ECE1: variants seen among roughly 807,000 people sequenced by gnomAD.
ECE1 encodes endothelin converting enzyme 1, also known as endothelin-converting enzyme 1.
In ECE1, 35 loss-of-function variants were observed where a neutral mutation model predicts 98.6. The ratio of observed to expected loss-of-function variants is 0.35; its 90% CI spans 0.27 to 0.47. ECE1 has a LOEUF of 0.47. Ranked by LOEUF, ECE1 falls within the 20% of genes least tolerant of loss-of-function variation. ECE1 has a pLI of 1.00. For synonymous variants in ECE1, 394 were observed against 407.1 expected, an observed-to-expected ratio of 0.97 and a Z score of 0.39; for missense variants, 814 against 1,025.3, an observed-to-expected ratio of 0.79 and a Z score of 2.81.
At chr1:21,313,427 T>G (rs1342604136) in intron 1 of ECE1, among the ~76,000 whole-genome samples, 1 of 151,842 alleles carries the variant, frequency 6.6e-6, no homozygotes, top group Non-Finnish European at 1.5e-5. Context: ...CAGCTGACAG[T>G]GGGGGAATGA....
chr1:21,304,174 G>A (rs1176638135), intron 1 of ECE1, among the ~76,000 whole-genome samples: 1 of 151,544 alleles, frequency 6.6e-6, no homozygotes, highest in Non-Finnish European at 1.5e-5. Context: ...AAATTAGCCA[G>A]GTGTGGTGGC....
chr1:21,265,664 G>A (rs1006127474), intron 4 of ECE1, among the ~76,000 whole-genome samples: 3 of 152,106 alleles, frequency 2.0e-5, no homozygotes, highest in African/African-American at 4.8e-5. Context: ...TGCTCGTCTC[G>A]GTATCTTTTT....
At chr1:21,234,420 A>T (rs2098185575) in intron 13 of ECE1, among the ~76,000 whole-genome samples, 1 of 150,286 alleles carries the variant, frequency 6.7e-6, no homozygotes, top group South Asian at 2.1e-4. Context: ...GTAGAAATCT[A>T]TCTGAACTGT....
chr1:21,344,464 G>A (rs1034319118), intron 1 of ECE1, among the ~76,000 whole-genome samples: 10 of 152,182 alleles, frequency 6.6e-5, no homozygotes, highest in Non-Finnish European at 1.5e-4. Context: ...AGAAACCAAA[G>A]AGAAGTAGAT....
rs754787083 is a variant in ECE1 at position 21,256,111 on chromosome 1, C to T, written c.856G>A (p.Val286Ile). The change falls in exon 8 of 19, where the codon GTC (valine) becomes ATC (isoleucine). Residue 286 changes from valine (V) to isoleucine (I), a missense_variant. Physicochemically the swap from Val to Ile is conservative, Grantham distance 29. Coordinates refer to ENST00000374893, the MANE Select transcript of ECE1 (RefSeq NM_001397.3). ...CCGCCCAGCAGCTTCCCCAGCTGGA[C>T]CATGTAGTTCAGATATCCGGTCAGC... ...KVLTGYLNYM[V>I]QLGKLLGGGD... 20 of 1,604,610 alleles carry T rather than the reference C, an allele frequency of 1.2e-5. No homozygotes were observed. In the African/African-American group the frequency reaches 2.0e-4, roughly 16 times the overall value.
intron 1 of ECE1, among the ~76,000 whole-genome samples, chr1:21,315,788 T>C (rs1381991081): frequency 1.1e-5 from 1 of 93,530 alleles, no homozygotes; most frequent in Non-Finnish European, 2.0e-5. Context: ...AGACTCTGTC[T>C]CAAAAAAAAA....
In ECE1 at chr1:21,239,648, C is replaced by T. The variant is rs2098193364; in HGVS notation, c.1279-1404G>A. On this transcript the variant is annotated intron_variant, in intron 10 of 18. Transcript: ENST00000374893. ...CACATCGTGTATAATTCCGTCCACA[C>T]CCAGCTGCACCAGCCTTGGGGGCTG... Among the ~76,000 whole-genome samples the T allele has an allele frequency of 2.0e-5, 3 of 152,352 alleles. No homozygotes were observed. In the South Asian group the frequency reaches 6.2e-4, roughly 32 times the overall value.
At chr1:21,277,539 G>A (rs917798018) in intron 3 of ECE1, among the ~76,000 whole-genome samples, 2 of 152,132 alleles carry the variant, frequency 1.3e-5, no homozygotes, top group Non-Finnish European at 1.5e-5. Context: ...AGAGGATGAC[G>A]AGCTTGTGTC....
intron 14 of ECE1, among the ~76,000 whole-genome samples, chr1:21,230,630 C>T (rs1011194268): frequency 6.6e-6 from 1 of 152,104 alleles, no homozygotes; most frequent in Non-Finnish European, 1.5e-5. Context: ...TCGTGATCCA[C>T]CCGCCTCAGC....
At chr1:21,239,772 C>A (rs545795407) in intron 10 of ECE1, among the ~76,000 whole-genome samples, 24 of 151,646 alleles carry the variant, frequency 1.6e-4, no homozygotes, top group Admixed American at 1.4e-3. Context: ...ATTTTTTATA[C>A]ATTTTTTTCT....
In ECE1 at chr1:21,278,174, T is replaced by C. The variant is rs3026861; in HGVS notation, c.280+1017A>G. Reference sequence around the variant, plus strand: ...GGTGAACCATCTGCCATCAGAAGAATAGATGTTGGGGCACAGGGGACTGAG... The same window carrying C: ...GGTGAACCATCTGCCATCAGAAGAACAGATGTTGGGGCACAGGGGACTGAG... On this transcript the variant is annotated intron_variant, in intron 3 of 18. Coordinates refer to ENST00000374893, the MANE Select transcript of ECE1 (RefSeq NM_001397.3). 2.7e-3 allele frequency among the ~76,000 whole-genome samples: 406 copies of C among 152,336 alleles called. 2 individuals carry two copies. In the East Asian group the frequency reaches 0.041, roughly 15 times the overall value.
Position 21,233,647 on chromosome 1 carries a change from T to C in ECE1, c.1581A>G (p.Pro527=). The part of the protein sequence containing the change: ...DKVFNDYTAV[P]DLYFENAMRF... ...GCATGGCATTTTCAAAGTAGAGGTC[T>C]GGAACTGCAGTGTACTAGAAAAGAA... is the stretch of plus-strand genomic sequence containing the variant. Residue 527 remains proline (P), a synonymous_variant, in exon 14 of 19, where the codon CCA becomes CCG. Transcript: ENST00000374893. The surrounding 1 kb of genome is among the most constrained non-coding windows in gnomAD (Gnocchi z 4.0). The C allele has an allele frequency of 6.8e-6, 11 of 1,613,898 alleles. No individual in the cohort carries two copies. The highest frequency in any genetic ancestry group is 8.5e-6 in the Non-Finnish European group (10 of 1,179,866).
Position 21,307,675 on chromosome 1 carries a change from G to A in ECE1, c.4-17519C>T, listed in dbSNP as rs1253472624. 6.6e-6 allele frequency among the ~76,000 whole-genome samples: 1 copy of A among 152,160 alleles called. No homozygotes were observed. The highest frequency in any genetic ancestry group is 1.5e-5 in the Non-Finnish European group (1 of 68,022). ...CTTTGTACCTCTGAGGTACAAAGTGGAAGCTCTGCCTGGCTGGCAAGACCA... is the reference window on the plus strand; with the variant it reads ...CTTTGTACCTCTGAGGTACAAAGTGAAAGCTCTGCCTGGCTGGCAAGACCA... On this transcript the variant is annotated intron_variant, in intron 1 of 18. Transcript: ENST00000415912. This position sits in a 1 kb window ranked among gnomAD's most constrained non-coding sequence, Gnocchi z 4.2.
In ECE1 at chr1:21,224,526, TTG is replaced by T. The variant is rs556359161; in HGVS notation, c.2040+722_2040+723del. 1.5e-3 allele frequency among the ~76,000 whole-genome samples: 222 copies of T among 152,266 alleles called. 1 individual carries two copies. Among genetic ancestry groups the T allele is most frequent in the African/African-American group, 5.0e-3 (208 of 41,562 alleles). ...GCAAAACGGGGATTATAATACCTAATTGTAAAGCTGCTGGGAATACTCCAAGC... is the reference window on the plus strand; with the variant it reads ...GCAAAACGGGGATTATAATACCTAATTAAAGCTGCTGGGAATACTCCAAGC... On this transcript the variant is annotated intron_variant, in intron 17 of 18. Coordinates refer to ENST00000374893, the MANE Select transcript of ECE1 (RefSeq NM_001397.3).
chr1:21,272,982 C>A, intron 3 of ECE1, 71 bp from the exon 4 acceptor site: 1 of 1,570,130 alleles, frequency 6.4e-7, no homozygotes, highest in Non-Finnish European at 8.7e-7. Flanking sequence ...GAGAAGGGGG[C>A]TTGGGGCCCA....
chr1:21,288,668 C>T (rs1316874922), intron 2 of ECE1, among the ~76,000 whole-genome samples: 2 of 152,224 alleles, frequency 1.3e-5, no homozygotes, highest in Non-Finnish European at 2.9e-5. Context: ...AAAAACATTG[C>T]TGATTAGATT....
chr1:21,273,346 C>CGTGTGTGCGTGT (rs374866976), intron 3 of ECE1, among the ~76,000 whole-genome samples: 27 of 133,156 alleles, frequency 2.0e-4, no homozygotes, highest in African/African-American at 8.0e-4. Context: ...TGCGTGTGTG[C>CGTGTGTGCGTGT]GTGTGTGTGT....
chr1:21,263,501 C>T (rs1032568532), intron 4 of ECE1, among the ~76,000 whole-genome samples: 23 of 151,982 alleles, frequency 1.5e-4, no homozygotes, highest in African/African-American at 4.1e-4. Context: ...GGACTACAGG[C>T]GTGTACCACC....
chr1:21,305,732 T>C (rs905364196), intron 1 of ECE1, among the ~76,000 whole-genome samples: 2 of 152,136 alleles, frequency 1.3e-5, no homozygotes, highest in Non-Finnish European at 2.9e-5. Context: ...TGGGCTCCAC[T>C]CTGTGGGTTT....
Sources: allele counts gnomAD v4.1 joint callset (sites outside exome capture counted in the v4.1 genomes callset), GRCh38; gene constraint gnomAD v4.1.1; non-coding constraint Gnocchi (gnomAD v3.1); transcripts MANE v1.5; gene names NCBI Gene and HGNC (gene_info 2026-07-23, HGNC 2026-07-21).